The following RABGAP1L variants were observed in gnomAD, a reference collection of about 807,000 sequenced individuals.
RABGAP1L encodes rab GTPase-activating protein 1-like.
Under a neutral mutation model 137.7 loss-of-function variants are expected in RABGAP1L, and 63 were observed. That is an observed-to-expected ratio of 0.46 (90% confidence interval 0.37 to 0.56). The LOEUF is 0.56. RABGAP1L is among the 20% of genes least tolerant of loss of function. RABGAP1L has a pLI of 0.00. For missense variants in RABGAP1L, 1,095 were observed against 1,244.0 expected (o/e 0.88, Z 1.80); for synonymous variants, 431 against 433.7 (o/e 0.99, Z 0.08).
chr1:174,772,187 G>A (rs1387106896), intron 18 of RABGAP1L, among the ~76,000 whole-genome samples: 1 of 151,106 alleles, frequency 6.6e-6, no homozygotes, highest in East Asian at 1.9e-4. Flanking sequence ...GACAGAGTCA[G>A]ACTGTCTCAA....
At chr1:174,677,761 T>A (rs1677750114) in intron 14 of RABGAP1L, among the ~76,000 whole-genome samples, 1 of 152,212 alleles carries the variant, frequency 6.6e-6, no homozygotes, top group South Asian at 2.1e-4. Flanking sequence ...ATTATCAGTA[T>A]CTTTAAAAGG....
intron 7 of RABGAP1L, among the ~76,000 whole-genome samples, chr1:174,266,200 T>C (rs1674059626): frequency 1.3e-5 from 2 of 152,178 alleles, no homozygotes; most frequent in Admixed American, 6.5e-5. Flanking sequence ...AATTTGTAAA[T>C]TGTGAATAAA....
chr1:174,241,401 TAA>T, intron 4 of RABGAP1L, 80 bp from the exon 5 acceptor site: 15 of 721,524 alleles, frequency 2.1e-5, no homozygotes, highest in Non-Finnish European at 3.0e-5. Context: ...TCTTTTTTTT[TAA>T]AAAAAAAAAC....
At chr1:174,390,542 C>T (rs1687140284) in intron 12 of RABGAP1L, among the ~76,000 whole-genome samples, 1 of 152,176 alleles carries the variant, frequency 6.6e-6, no homozygotes, top group South Asian at 2.1e-4. Flanking sequence ...TAATCTGGGC[C>T]AACCGAGTAT....
chr1:174,162,579 G>C (rs1013547498), intron 1 of RABGAP1L, among the ~76,000 whole-genome samples: 4 of 151,934 alleles, frequency 2.6e-5, no homozygotes, highest in Admixed American at 1.3e-4. Context: ...GGTTAGAGGG[G>C]GTTTGGAGAA....
intron 19 of RABGAP1L, among the ~76,000 whole-genome samples, chr1:174,847,748 G>A (rs1188056016): frequency 1.8e-5 from 2 of 114,168 alleles, no homozygotes; most frequent in Non-Finnish European, 1.8e-5. Context: ...GGCGTTCTCT[G>A]TATTTCCTGA....
chr1:174,769,832 G>A (rs950920235), intron 18 of RABGAP1L, among the ~76,000 whole-genome samples: 4 of 151,864 alleles, frequency 2.6e-5, no homozygotes, highest in Admixed American at 6.6e-5. Context: ...CAGCCTGGGC[G>A]ACAGAGCAAG....
intron 19 of RABGAP1L, among the ~76,000 whole-genome samples, chr1:174,866,268 CAT>C (rs1651233159): frequency 6.6e-6 from 1 of 151,764 alleles, no homozygotes; most frequent in Admixed American, 6.6e-5. Context: ...AATATAAAAA[CAT>C]ATTTTAGATT....
chr1:174,228,784 A>G (rs1422326563), intron 3 of RABGAP1L, among the ~76,000 whole-genome samples: 1 of 152,172 alleles, frequency 6.6e-6, no homozygotes, highest in Non-Finnish European at 1.5e-5. Context: ...CTATCCTACA[A>G]GAGGAATCCT....
At chr1:174,584,940 A>G (rs1487973673) in intron 13 of RABGAP1L, among the ~76,000 whole-genome samples, 1 of 152,168 alleles carries the variant, frequency 6.6e-6, no homozygotes, top group Non-Finnish European at 1.5e-5. Context: ...GCCCTGTCCA[A>G]TGTAATAACC....
At chr1:174,533,062 GTC>G (rs1334898982) in intron 13 of RABGAP1L, among the ~76,000 whole-genome samples, 3 of 152,078 alleles carry the variant, frequency 2.0e-5, no homozygotes, top group Non-Finnish European at 4.4e-5. Context: ...GTGAAACCCT[GTC>G]TCTACTAAAA....
chr1:174,327,984 C>CATATATATATATATGTATATAT (rs1314813386), intron 11 of RABGAP1L, among the ~76,000 whole-genome samples: 1 of 37,876 alleles, frequency 2.6e-5, no homozygotes, highest in African/African-American at 1.1e-4. Flanking sequence ...TATATACACA[C>CATATATATATATATGTATATAT]ACATATATAT....
chr1:174,246,274 A>G (rs1672252045), intron 5 of RABGAP1L: 1 of 152,186 alleles, frequency 6.6e-6, no homozygotes, highest in Admixed American at 6.5e-5. Context: ...TGTGTTTAGT[A>G]TTTTCTATAG....
At chr1:174,306,453 C>G (rs896158566) in intron 11 of RABGAP1L, among the ~76,000 whole-genome samples, 3 of 152,118 alleles carry the variant, frequency 2.0e-5, no homozygotes, top group Non-Finnish European at 4.4e-5. Flanking sequence ...TAACGATCGC[C>G]ATTCTAACTG....
chr1:174,947,211 TC>T (rs1667022792), intron 19 of RABGAP1L, among the ~76,000 whole-genome samples: 1 of 127,564 alleles, frequency 7.8e-6, no homozygotes, highest in African/African-American at 4.0e-5. Flanking sequence ...TTAATTTTTT[TC>T]TTTTTTTTTT....
At chr1:174,808,734 A>G (rs758328140) in intron 18 of RABGAP1L, among the ~76,000 whole-genome samples, 12 of 150,610 alleles carry the variant, frequency 8.0e-5, no homozygotes, top group Admixed American at 4.0e-4. Flanking sequence ...GCTCTCTGCA[A>G]CCTCCACCTC....
At chr1:174,889,015 A>G (rs1655651420) in intron 19 of RABGAP1L, among the ~76,000 whole-genome samples, 1 of 152,196 alleles carries the variant, frequency 6.6e-6, no homozygotes, top group African/African-American at 2.4e-5. Flanking sequence ...CCTTAGACCC[A>G]TATACTAAGT....
intron 14 of RABGAP1L, among the ~76,000 whole-genome samples, chr1:174,669,576 C>T (rs747969217): frequency 5.3e-4 from 81 of 152,072 alleles, no homozygotes; most frequent in Non-Finnish European, 9.4e-4. Context: ...TGTCCTTGAG[C>T]GTTTTCTCTT....
intron 13 of RABGAP1L, among the ~76,000 whole-genome samples, chr1:174,523,369 AAAT>A (rs1170246265): frequency 2.0e-5 from 3 of 152,226 alleles, no homozygotes; most frequent in African/African-American, 7.2e-5. Context: ...CAAAACAAAA[AAAT>A]AAAAACAACT....
Sources: gnomAD v4.1 joint callset for allele counts (sites outside exome capture counted in the v4.1 genomes callset) on GRCh38, gnomAD v4.1.1 for gene constraint, MANE v1.5 for transcripts, NCBI Gene and HGNC (gene_info 2026-07-23, HGNC 2026-07-21) for gene names.